The following ADGRV1 variants were observed in gnomAD, a reference collection of about 807,000 sequenced individuals.
ADGRV1 encodes the protein adhesion G protein-coupled receptor V1.
In ADGRV1, 359 loss-of-function variants were observed where a neutral mutation model predicts 596.2. The observed-to-expected ratio is 0.60, with a 90% CI of 0.55 to 0.66. ADGRV1 has a LOEUF of 0.66. ADGRV1 is among the 30% of genes least tolerant of loss of function. The pLI is 0.00. For missense variants in ADGRV1, 7,274 were observed against 7,575.6 expected (o/e 0.96, Z 1.48); for synonymous variants, 2,681 against 2,679.2 (o/e 1.00, Z -0.02).
Position 90,614,979 on chromosome 5 carries a change from A to G in ADGRV1, c.167A>G (p.Glu56Gly). The change falls in exon 2 of 90, where the codon GAA (glutamate) becomes GGA (glycine). Residue 56 changes from glutamate to glycine, a missense_variant. Glu to Gly is a moderately conservative substitution (Grantham distance 98). This residue lies in a region of ADGRV1 where 1,715 missense variants were observed against 1,708.8 expected (regional missense o/e 1.00). Transcript: ENST00000405460. ...ACAACAGTTATTCGTCTTATCATTG[A>G]AAGGATAGGAGAGCCAGCAAATGTT... The part of the protein sequence containing the change: ...TSTTVIRLII[E>G]RIGEPANVTA... 6.5e-7 allele frequency: 1 copy of G among 1,548,294 alleles called. No homozygotes were observed. Among genetic ancestry groups the G allele is most frequent in the Non-Finnish European group, 8.8e-7 (1 of 1,142,802 alleles).
intron 1 of ADGRV1, among the ~76,000 whole-genome samples, chr5:90,596,756 G>A (rs980439677): frequency 2.6e-5 from 4 of 152,186 alleles, no homozygotes; most frequent in Admixed American, 6.5e-5. Context: ...TCCAGCTTCC[G>A]CTCGGCATCA....
rs1400011440 is a variant in ADGRV1 at position 90,938,330 on chromosome 5, T to C, written c.17857-27085T>C. Among the ~76,000 whole-genome samples, 4 of 152,352 alleles carry C rather than the reference T, an allele frequency of 2.6e-5. No homozygotes were observed. The East Asian group carries it at 7.7e-4, about 29-fold the overall frequency. ...TCTGAAAAGTTTACTTTGAATTAAC[T>C]TGAAGCTATTCTTATTTAGATTGGC... On this transcript the variant is annotated intron_variant, in intron 83 of 89. Coordinates refer to ENST00000405460, the MANE Select transcript of ADGRV1 (RefSeq NM_032119.4).
At chr5:90,950,260 G>A (rs942654151) in intron 83 of ADGRV1, among the ~76,000 whole-genome samples, 2 of 152,126 alleles carry the variant, frequency 1.3e-5, no homozygotes, top group African/African-American at 2.4e-5. Flanking sequence ...ACTGTGGAGA[G>A]GAAGTATTCC....
Position 90,716,494 on chromosome 5 carries a change from A to C in ADGRV1, c.9212A>C (p.Asp3071Ala), listed in dbSNP as rs764105392. ...IALIIVLANDDGPGVLSFNNS... is the reference protein window; with the variant it reads ...IALIIVLANDAGPGVLSFNNS... Reference sequence around the variant, plus strand: ...TTAATTATTGTCCTTGCTAATGATGACGGCCCTGGAGTTCTATCATTTAAC... The same window carrying C: ...TTAATTATTGTCCTTGCTAATGATGCCGGCCCTGGAGTTCTATCATTTAAC... The change falls in exon 43 of 90, where the codon GAC (aspartate) becomes GCC (alanine). Residue 3071 changes from aspartate to alanine, a missense_variant. Asp to Ala is a moderately radical substitution (Grantham distance 126). This residue lies in a region of ADGRV1 where 3,643 missense variants were observed against 3,809.2 expected (regional missense o/e 0.96). Coordinates refer to ENST00000405460, the MANE Select transcript of ADGRV1 (RefSeq NM_032119.4). 1 of 1,594,900 alleles carries C rather than the reference A, an allele frequency of 6.3e-7. No homozygotes were observed. Among genetic ancestry groups the C allele is most frequent in the South Asian group, 1.2e-5 (1 of 86,398 alleles).
rs556199605 is a variant in ADGRV1, at chr5:90,693,987, T to C, written c.7231T>C (p.Tyr2411His). The C allele has an allele frequency of 6.2e-7, 1 of 1,613,500 alleles. No homozygotes were observed. Among genetic ancestry groups the C allele is most frequent in the East Asian group, 2.2e-5 (1 of 44,860 alleles). ...GGAAGGTCAAGATTTACTGTCCTAC[T>C]ATGAATCTCCAATTCAAGGGGTGCC... Reference protein sequence around the residue: ...MEEGQDLLSYYESPIQGVPDP... With the variant: ...MEEGQDLLSYHESPIQGVPDP... The change falls in exon 33 of 90, where the codon TAT (tyrosine) becomes CAT (histidine). Residue 2411 changes from tyrosine (Y) to histidine (H), a missense_variant. By Grantham distance (83) the Tyr-to-His change is moderately conservative (BLOSUM62 2). Coordinates refer to ENST00000405460, the MANE Select transcript of ADGRV1 (RefSeq NM_032119.4).
At chr5:91,122,059 T>C (rs377591782) in intron 87 of ADGRV1, among the ~76,000 whole-genome samples, 1 of 152,210 alleles carries the variant, frequency 6.6e-6, no homozygotes, top group Non-Finnish European at 1.5e-5. Context: ...AATGTTTTGG[T>C]GGCTCTGAAA....
intron 21 of ADGRV1, among the ~76,000 whole-genome samples, chr5:90,661,782 C>A (rs1202167717): frequency 6.6e-6 from 1 of 151,894 alleles, no homozygotes; most frequent in Non-Finnish European, 1.5e-5. Flanking sequence ...CATATACTGG[C>A]CTAAATGTTT....
chr5:90,853,726 T>C (rs922060461), intron 80 of ADGRV1, among the ~76,000 whole-genome samples, 193 bp downstream of exon 80: 2 of 152,234 alleles, frequency 1.3e-5, no homozygotes, highest in African/African-American at 2.4e-5. Flanking sequence ...ATATCCTTCA[T>C]GTTTTGAGTA....
chr5:91,074,993 G>C (rs1788721156), intron 86 of ADGRV1, among the ~76,000 whole-genome samples: 1 of 152,116 alleles, frequency 6.6e-6, no homozygotes, highest in African/African-American at 2.4e-5. Flanking sequence ...CTTTTGAAAA[G>C]TATCTGTTCA....
chr5:90,810,229 C>T lies in ADGRV1; in HGVS notation c.14973-4C>T. ...ATTTCTTCATGATTTAATTTTTTTCCCAGATCAGGTTTCATTGTTGCTGAA... is the reference window on the plus strand; with the variant it reads ...ATTTCTTCATGATTTAATTTTTTTCTCAGATCAGGTTTCATTGTTGCTGAA... On this transcript the variant is annotated splice_polypyrimidine_tract_variant and splice_region_variant and intron_variant, in intron 73 of 89. Coordinates refer to ENST00000405460, the MANE Select transcript of ADGRV1 (RefSeq NM_032119.4). 6.5e-7 allele frequency: 1 copy of T among 1,528,104 alleles called. No individual in the cohort carries two copies. Among genetic ancestry groups the T allele is most frequent in the Non-Finnish European group, 8.8e-7 (1 of 1,138,226 alleles). 94.7% of individuals were successfully genotyped at this position (1,528,104 alleles called of 1,614,324 possible). A position where few individuals can be genotyped will look rare whatever the true frequency, so the allele number is the denominator to read the frequency against.
At chr5:90,777,303 C>T (rs866338893) in intron 61 of ADGRV1, among the ~76,000 whole-genome samples, 9 of 152,112 alleles carry the variant, frequency 5.9e-5, no homozygotes, top group African/African-American at 1.7e-4. Context: ...TCCCACCAGG[C>T]CCCACCTCCA....
chr5:91,031,488 C>T (rs540129138), intron 85 of ADGRV1, among the ~76,000 whole-genome samples: 39 of 152,248 alleles, frequency 2.6e-4, no homozygotes, highest in South Asian at 2.1e-4. Flanking sequence ...GAGAAAGCCA[C>T]CATAAAGTAA....
intron 83 of ADGRV1, among the ~76,000 whole-genome samples, chr5:90,957,120 A>G (rs1777550831): frequency 6.6e-6 from 1 of 152,158 alleles, no homozygotes; most frequent in African/African-American, 2.4e-5. Flanking sequence ...CATCCAGGCA[A>G]TCTCTACTAA....
chr5:90,633,249 C>G (rs10462488), intron 9 of ADGRV1, among the ~76,000 whole-genome samples: 27,523 of 152,036 alleles, frequency 0.18, 2,682 homozygotes, highest in East Asian at 0.4. Context: ...TTAACATTTT[C>G]TTTTCCATCA....
intron 86 of ADGRV1, among the ~76,000 whole-genome samples, chr5:91,101,793 A>G (rs1044669338): frequency 5.9e-5 from 9 of 152,176 alleles, no homozygotes; most frequent in African/African-American, 1.7e-4. Flanking sequence ...GCGCATGCAC[A>G]CACACACACA....
chr5:90,683,486 T>C lies in ADGRV1; in HGVS notation c.5665-100T>C, dbSNP rs1745208093. 5.1e-6 allele frequency: 5 copies of C among 971,226 alleles called. No individual in the cohort carries two copies. The African/African-American group carries it at 8.2e-5, about 16-fold the overall frequency. The allele number at this position is 971,226 out of a possible 1,614,324, so 60.2% of individuals were successfully genotyped here. ...CTTGTAGTCTGGAGAAGAACTTATA[T>C]AAAATAAAATTGTGCTGCTATCATT... On this transcript the variant is annotated intron_variant, in intron 27 of 89. Coordinates refer to ENST00000405460, the MANE Select transcript of ADGRV1 (RefSeq NM_032119.4).
At chr5:90,759,683 T>C (rs1756252218) in intron 58 of ADGRV1, 95 bp downstream of exon 58, 3 of 1,091,552 alleles carry the variant, frequency 2.7e-6, no homozygotes, top group Non-Finnish European at 4.1e-6. Flanking sequence ...TTGGAAGTCT[T>C]GGCCAGGCAT....
rs370941998 is a variant in ADGRV1 at position 90,750,647 on chromosome 5, G to A, written c.11071G>A (p.Ala3691Thr). 11 of 1,612,494 alleles carry A rather than the reference G, an allele frequency of 6.8e-6. No individual in the cohort carries two copies. The African/African-American group carries it at 1.5e-4, about 22-fold the overall frequency. Reference sequence around the variant, plus strand: ...AGGAACATATGGCCGTATAACCATAGCATGGGAAGCTGATGGAAGTATTAG... The same window carrying A: ...AGGAACATATGGCCGTATAACCATAACATGGGAAGCTGATGGAAGTATTAG... ...LKGTYGRITIAWEADGSISDI... is the reference protein window; with the variant it reads ...LKGTYGRITITWEADGSISDI... The change falls in exon 53 of 90, where the codon GCA becomes ACA. Residue 3691 changes from alanine to threonine, a missense_variant. Ala to Thr is a moderately conservative substitution (Grantham distance 58). Around this residue, in one of 5 missense-constraint regions of ADGRV1, gnomAD observed 3,643 missense variants for 3,809.2 expected, o/e 0.96. Coordinates refer to ENST00000405460, the MANE Select transcript of ADGRV1 (RefSeq NM_032119.4).
intron 85 of ADGRV1, among the ~76,000 whole-genome samples, chr5:91,068,020 A>T (rs1788032639): frequency 1.3e-5 from 2 of 152,216 alleles, no homozygotes; most frequent in African/African-American, 4.8e-5. Flanking sequence ...TTCAGGCTTC[A>T]TGCTATCAAA....
Sources: gnomAD v4.1 joint callset for allele counts (sites outside exome capture counted in the v4.1 genomes callset) on GRCh38, gnomAD v4.1.1 for gene constraint, gnomAD v4.1.1 regional missense constraint, MANE v1.5 for transcripts, NCBI Gene and HGNC (gene_info 2026-07-23, HGNC 2026-07-21) for gene names.